The following SYNPR variants were observed in gnomAD, a reference collection of about 807,000 sequenced individuals.
The protein encoded by SYNPR is synaptoporin.
A neutral mutation model predicts 32.9 loss-of-function variants in SYNPR; 23 were observed. The observed-to-expected ratio is 0.70, with a 90% CI of 0.50 to 0.99. The LOEUF is 0.99. Ranked by LOEUF, SYNPR falls within the 50% of genes least tolerant of loss-of-function variation. SYNPR has a pLI of 0.00. For missense variants in SYNPR, 318 were observed against 349.3 expected, an observed-to-expected ratio of 0.91 and a Z score of 0.71; for synonymous variants, 146 against 135.9, an observed-to-expected ratio of 1.07 and a Z score of -0.52.
intron 3 of SYNPR, among the ~76,000 whole-genome samples, chr3:63,529,574 G>A (rs1244264593): frequency 3.9e-5 from 6 of 152,172 alleles, no homozygotes; most frequent in African/African-American, 1.2e-4. Context: ...AACCTGAAAA[G>A]TTAAGAGATA....
At chr3:63,540,672 T>C (rs1415491520) in intron 3 of SYNPR, among the ~76,000 whole-genome samples, 1 of 152,066 alleles carries the variant, frequency 6.6e-6, no homozygotes, top group African/African-American at 2.4e-5. Context: ...GTAAGGCATA[T>C]ACAATATTGT....
intron 3 of SYNPR, among the ~76,000 whole-genome samples, chr3:63,504,312 A>T (rs1701543592): frequency 6.6e-6 from 1 of 152,158 alleles, no homozygotes; most frequent in South Asian, 2.1e-4. Context: ...CAACTGTCTG[A>T]AGCTCGCAAA....
At chr3:63,516,126 CAT>C (rs1701795353) in intron 3 of SYNPR, among the ~76,000 whole-genome samples, 1 of 152,072 alleles carries the variant, frequency 6.6e-6, no homozygotes, top group Non-Finnish European at 1.5e-5. Context: ...TATGTGATAT[CAT>C]ATATAAGCAT....
intron 3 of SYNPR, among the ~76,000 whole-genome samples, chr3:63,523,160 C>T (rs992606106): frequency 2.0e-5 from 3 of 151,994 alleles, no homozygotes; most frequent in African/African-American, 7.3e-5. Flanking sequence ...GGCGGTGCTG[C>T]CCTCTGAAAA....
chr3:63,341,053 C>T (rs1317133649), intron 2 of SYNPR, among the ~76,000 whole-genome samples: 1 of 152,094 alleles, frequency 6.6e-6, no homozygotes, highest in Admixed American at 6.5e-5. Flanking sequence ...TTCCTTCTTC[C>T]CCACTAACTC....
intron 2 of SYNPR, among the ~76,000 whole-genome samples, chr3:63,263,430 T>A (rs908102951): frequency 3.3e-5 from 5 of 152,248 alleles, no homozygotes; most frequent in African/African-American, 1.2e-4. Flanking sequence ...ATAGGTTATC[T>A]CATTTAATCT....
chr3:63,582,245 T>C (rs77070623), intron 4 of SYNPR, among the ~76,000 whole-genome samples: 5,800 of 152,216 alleles, frequency 0.038, 397 homozygotes, highest in African/African-American at 0.13. Context: ...TTATTACTTC[T>C]TTAGCTAAGT....
At chr3:63,572,620 G>A (rs1702907727) in intron 4 of SYNPR, among the ~76,000 whole-genome samples, 1 of 152,078 alleles carries the variant, frequency 6.6e-6, no homozygotes, top group African/African-American at 2.4e-5. Flanking sequence ...AATCTTTATT[G>A]GTTTGTGAAA....
At chr3:63,292,120 G>A (rs1449051601) in intron 2 of SYNPR, among the ~76,000 whole-genome samples, 1 of 152,118 alleles carries the variant, frequency 6.6e-6, no homozygotes, top group African/African-American at 2.4e-5. Context: ...TAAAAATTTA[G>A]TATTATAATC....
intron 2 of SYNPR, among the ~76,000 whole-genome samples, chr3:63,377,193 G>C (rs2087906043): frequency 6.6e-6 from 1 of 152,112 alleles, no homozygotes; most frequent in Non-Finnish European, 1.5e-5. Flanking sequence ...TCAAGAAAGA[G>C]CACATAAGAA....
At chr3:63,258,247 C>T (rs9852832) in intron 2 of SYNPR, among the ~76,000 whole-genome samples, 35,321 of 152,108 alleles carry the variant, frequency 0.23, 4,397 homozygotes, top group South Asian at 0.39. Context: ...GAACTCTCCA[C>T]CCCAATTCAA....
At chr3:63,413,813 C>T (rs2088500986) in intron 2 of SYNPR, among the ~76,000 whole-genome samples, 1 of 151,922 alleles carries the variant, frequency 6.6e-6, no homozygotes, top group Admixed American at 6.6e-5. Flanking sequence ...TCCATGCTGC[C>T]CAGATGTGAA....
intron 2 of SYNPR, among the ~76,000 whole-genome samples, chr3:63,385,654 C>T (rs1314598159): frequency 6.6e-6 from 1 of 152,192 alleles, no homozygotes; most frequent in African/African-American, 2.4e-5. Flanking sequence ...TGTTCTCCCT[C>T]CTAAAACTAA....
intron 3 of SYNPR, among the ~76,000 whole-genome samples, chr3:63,538,830 T>G (rs1444579038): frequency 6.6e-6 from 1 of 152,158 alleles, no homozygotes; most frequent in African/African-American, 2.4e-5. Flanking sequence ...CACTGCATTA[T>G]CATGGCAATA....
At chr3:63,455,275 G>A (rs896839823) in intron 2 of SYNPR, among the ~76,000 whole-genome samples, 3 of 151,990 alleles carry the variant, frequency 2.0e-5, no homozygotes, top group Non-Finnish European at 4.4e-5. Context: ...ACTCTTATAG[G>A]ACAATTAGAA....
At chr3:63,249,589 T>A (rs1397986754) in intron 1 of SYNPR, among the ~76,000 whole-genome samples, 1 of 152,090 alleles carries the variant, frequency 6.6e-6, no homozygotes, top group African/African-American at 2.4e-5. Context: ...ACTACAGATA[T>A]GTGCAGTGTA....
intron 2 of SYNPR, among the ~76,000 whole-genome samples, chr3:63,405,854 A>G (rs995201713): frequency 6.6e-6 from 1 of 152,238 alleles, no homozygotes; most frequent in South Asian, 2.1e-4. Context: ...ACATGCCAAC[A>G]TGCTGGTTCC....
chr3:63,313,810 C>CAT (rs1252523144), intron 2 of SYNPR, among the ~76,000 whole-genome samples: 1 of 8,232 alleles, frequency 1.2e-4, no homozygotes, highest in Non-Finnish European at 1.9e-4. Context: ...TATATATATC[C>CAT]ATATATATAT....
intron 4 of SYNPR, among the ~76,000 whole-genome samples, chr3:63,597,295 AAT>A (rs1186167907): frequency 5.3e-5 from 8 of 152,194 alleles, no homozygotes; most frequent in African/African-American, 1.9e-4. Context: ...ACCACTATTG[AAT>A]ATAGAAATCC....
Sources: gnomAD v4.1 joint callset for allele counts (sites outside exome capture counted in the v4.1 genomes callset) on GRCh38, gnomAD v4.1.1 for gene constraint, MANE v1.5 for transcripts, NCBI Gene and HGNC (gene_info 2026-07-23, HGNC 2026-07-21) for gene names.